The following ADARB2 variants were observed in gnomAD, a reference collection of about 807,000 sequenced individuals.
ADARB2 encodes inactive double-stranded RNA-specific editase B2.
ADARB2 carries 25 observed loss-of-function variants against 62.2 expected under a neutral mutation model. That is an observed-to-expected ratio of 0.40 (90% confidence interval 0.29 to 0.56). The LOEUF (loss-of-function observed/expected upper bound fraction) is 0.56. ADARB2 is among the 20% of genes least tolerant of loss of function. ADARB2 has a pLI of 0.43. For missense variants in ADARB2, 1,071 were observed against 1,077.4 expected, an observed-to-expected ratio of 0.99 and a Z score of 0.08; for synonymous variants, 572 against 500.8, an observed-to-expected ratio of 1.14 and a Z score of -1.90.
At chr10:1,584,862 A>C (rs1278922682) in intron 1 of ADARB2, among the ~76,000 whole-genome samples, 3 of 152,246 alleles carry the variant, frequency 2.0e-5, no homozygotes, top group African/African-American at 7.2e-5. Flanking sequence ...AAAAGGCTAC[A>C]TCCTGTAGGA....
chr10:1,504,378 T>C (rs1480907709), intron 1 of ADARB2, among the ~76,000 whole-genome samples: 4 of 152,204 alleles, frequency 2.6e-5, no homozygotes, highest in Non-Finnish European at 5.9e-5. Context: ...CCTTACTTTT[T>C]CCCCTCTTTA....
chr10:1,314,525 C>T (rs1473759823), intron 3 of ADARB2, among the ~76,000 whole-genome samples: 2 of 152,226 alleles, frequency 1.3e-5, no homozygotes, highest in Non-Finnish European at 2.9e-5. Context: ...CTCCATCCTC[C>T]CCACTGCCCG....
intron 1 of ADARB2, among the ~76,000 whole-genome samples, chr10:1,602,034 G>A (rs562376931): frequency 2.4e-4 from 37 of 152,318 alleles, no homozygotes; most frequent in African/African-American, 8.4e-4. Context: ...GGGCTCATGG[G>A]AACCGGTGCG....
At chr10:1,548,412 G>C (rs1381829849) in intron 1 of ADARB2, among the ~76,000 whole-genome samples, 1 of 152,242 alleles carries the variant, frequency 6.6e-6, no homozygotes, top group Non-Finnish European at 1.5e-5. Flanking sequence ...CAGAGCCTGA[G>C]GGGGGTTTCG....
intron 1 of ADARB2, among the ~76,000 whole-genome samples, chr10:1,676,586 G>C (rs2119112522): frequency 6.6e-6 from 1 of 151,994 alleles, no homozygotes; most frequent in East Asian, 1.9e-4. Context: ...GGGACCTCTG[G>C]GCTCAAGCAA....
At chr10:1,452,503 A>G (rs945253296) in intron 1 of ADARB2, among the ~76,000 whole-genome samples, 6 of 152,092 alleles carry the variant, frequency 3.9e-5, no homozygotes, top group African/African-American at 1.2e-4. Context: ...AGAGACATGG[A>G]TGAAGCTGGA....
intron 1 of ADARB2, among the ~76,000 whole-genome samples, chr10:1,600,299 G>C (rs974855968): frequency 4.6e-5 from 7 of 152,096 alleles, no homozygotes; most frequent in African/African-American, 1.4e-4. Flanking sequence ...CCTTATCCCA[G>C]AAACTGCTGG....
At chr10:1,293,139 A>AAGAGAG (rs1162124786) in intron 3 of ADARB2, 6 of 74,726 alleles carry the variant, frequency 8.0e-5, no homozygotes, top group Non-Finnish European at 2.6e-5. Context: ...TAGGGAAGGA[A>AAGAGAG]AGAGAGAGGG....
chr10:1,289,138 A>G (rs1831440811), intron 3 of ADARB2, among the ~76,000 whole-genome samples: 2 of 152,178 alleles, frequency 1.3e-5, no homozygotes, highest in East Asian at 3.9e-4. Context: ...CCTGGTCTCC[A>G]CACCCCTTAT....
rs1564318367 is a variant in ADARB2 at position 1,529,074 on chromosome 10, C to CG, written c.101-149915_101-149914insC. Among the ~76,000 whole-genome samples the CG allele has an allele frequency of 1.1e-4, 16 of 139,904 alleles. 3 individuals carry two copies. Among genetic ancestry groups the CG allele is most frequent in the South Asian group, 4.9e-4 (2 of 4,070 alleles). 91.8% of individuals were successfully genotyped at this position (139,904 alleles called of 152,430 possible). ...CCCAACAAATCCTCCAATCAGTCCA[C>CG]CCACCATGCCCAACACCAATCCTCC... On this transcript the variant is annotated intron_variant, in intron 1 of 9. Transcript: ENST00000381312.
chr10:1,523,203 C>G (rs111662416), intron 1 of ADARB2, among the ~76,000 whole-genome samples: 9 of 152,294 alleles, frequency 5.9e-5, no homozygotes, highest in African/African-American at 2.2e-4. Flanking sequence ...CTGTGAATTT[C>G]TGTTTAATCT....
rs112892409 is a variant in ADARB2 at position 1,590,930 on chromosome 10, C to T, written c.100+146121G>A. 5.4e-3 allele frequency among the ~76,000 whole-genome samples: 827 copies of T among 152,302 alleles called. 2 individuals are homozygous for T. Among genetic ancestry groups the T allele is most frequent in the African/African-American group, 0.018 (762 of 41,562 alleles). ...GTTACTCAGTAAAAGGGGAACTGACCACCTGAGGCCACAGGCGTGCTACTG... is the reference window on the plus strand; with the variant it reads ...GTTACTCAGTAAAAGGGGAACTGACTACCTGAGGCCACAGGCGTGCTACTG... On this transcript the variant is annotated intron_variant, in intron 1 of 9. Transcript: ENST00000381312.
chr10:1,181,569 A>G lies in ADARB2; in HGVS notation c.*1624T>C, dbSNP rs1274005734. 6.6e-6 allele frequency: 1 copy of G among 152,228 alleles called. No homozygotes were observed. Among genetic ancestry groups the G allele is most frequent in the African/African-American group, 2.4e-5 (1 of 41,454 alleles). 9.4% of individuals were successfully genotyped at this position (152,228 alleles called of 1,614,324 possible). A position where few individuals can be genotyped will look rare whatever the true frequency, so the allele number is the denominator to read the frequency against. Reference sequence around the variant, plus strand: ...CATACTAATATCTCTACTTCTTATTATCTTGTAACAAATAGCTACAACTCA... The same window carrying G: ...CATACTAATATCTCTACTTCTTATTGTCTTGTAACAAATAGCTACAACTCA... On this transcript the variant is annotated 3_prime_UTR_variant, in exon 10 of 10. Coordinates refer to ENST00000381312, the MANE Select transcript of ADARB2 (RefSeq NM_018702.4).
chr10:1,662,548 G>A (rs557914807), intron 1 of ADARB2, among the ~76,000 whole-genome samples: 10 of 152,300 alleles, frequency 6.6e-5, no homozygotes. Context: ...CAAATGGCAT[G>A]GTTTTATGCT....
chr10:1,188,587 C>CTT (rs60434013), intron 8 of ADARB2, among the ~76,000 whole-genome samples: 1 of 140,296 alleles, frequency 7.1e-6, no homozygotes, highest in African/African-American at 2.6e-5. Flanking sequence ...AATAGCAGTC[C>CTT]TTTTTTTTTT....
At chr10:1,184,687 C>G (rs1470854938) in intron 9 of ADARB2, among the ~76,000 whole-genome samples, 174 bp downstream of exon 9, 1 of 152,204 alleles carries the variant, frequency 6.6e-6, no homozygotes, top group Non-Finnish European at 1.5e-5. Context: ...GGGTCTCAAG[C>G]CTACAGGGGA....
intron 4 of ADARB2, among the ~76,000 whole-genome samples, chr10:1,260,041 G>A (rs1005149207): frequency 6.6e-6 from 1 of 151,980 alleles, no homozygotes; most frequent in Non-Finnish European, 1.5e-5. Flanking sequence ...CAGAACCAAA[G>A]GCAAAAACCA....
At chr10:1,401,652 C>T (rs1024151061) in intron 1 of ADARB2, among the ~76,000 whole-genome samples, 2 of 152,212 alleles carry the variant, frequency 1.3e-5, no homozygotes, top group Non-Finnish European at 2.9e-5. Flanking sequence ...CCCGTGTCCC[C>T]ATTTCTACCG....
At chr10:1,280,422 C>T (rs17156146) in intron 3 of ADARB2, among the ~76,000 whole-genome samples, 37,933 of 152,134 alleles carry the variant, frequency 0.25, 5,973 homozygotes, top group South Asian at 0.52. Flanking sequence ...CAGGTGTGGA[C>T]TATCCCTCCT....
Sources: gnomAD v4.1 joint callset for allele counts (sites outside exome capture counted in the v4.1 genomes callset) on GRCh38, gnomAD v4.1.1 for gene constraint, MANE v1.5 for transcripts, NCBI Gene and HGNC (gene_info 2026-07-23, HGNC 2026-07-21) for gene names.